Variants in DYM observed in about 807,000 individuals in gnomAD.
The protein encoded by DYM is dymeclin.
Under a neutral mutation model 93.1 loss-of-function variants are expected in DYM, and 78 were observed. That is an observed-to-expected ratio of 0.84 (90% CI 0.70 to 1.01). The LOEUF (loss-of-function observed/expected upper bound fraction) is 1.01. Among genes scored for constraint, DYM ranks in the 50% least tolerant of loss-of-function variants. The pLI is 0.00. For missense variants in DYM, 789 were observed against 845.0 expected (o/e 0.93, Z 0.82); for synonymous variants, 321 against 319.7 (o/e 1.00, Z -0.04).
rs12955206 is a variant in DYM, at chr18:49,334,975, C to T, written c.495-1122G>A. ...ACAAAAAATTAGCTGGGCATGGTGG[C>T]GGGCACCTGTAATGCCAGCTACTAG... On this transcript the variant is annotated intron_variant, in intron 6 of 17. Coordinates refer to ENST00000675505, the MANE Select transcript of DYM (RefSeq NM_001353214.3). Among the ~76,000 whole-genome samples the T allele has an allele frequency of 7.6e-3, 1,162 of 152,190 alleles. 8 individuals are homozygous for T. Among genetic ancestry groups the T allele is most frequent in the Non-Finnish European group, 0.012 (801 of 68,006 alleles).
At chr18:49,295,018 G>T (rs1170008690) in intron 8 of DYM, among the ~76,000 whole-genome samples, 1 of 152,152 alleles carries the variant, frequency 6.6e-6, no homozygotes, top group Admixed American at 6.5e-5. Flanking sequence ...GTTAGGGTCA[G>T]GTCCCATGCT....
chr18:49,067,884 A>G (rs928337376), intron 17 of DYM, among the ~76,000 whole-genome samples: 1 of 152,114 alleles, frequency 6.6e-6, no homozygotes, highest in East Asian at 1.9e-4. Flanking sequence ...TGGTCCCTCC[A>G]AGGCATAAAC....
chr18:49,339,104 C>T (rs1374243919), intron 6 of DYM, among the ~76,000 whole-genome samples: 3 of 152,092 alleles, frequency 2.0e-5, no homozygotes, highest in South Asian at 4.2e-4. Flanking sequence ...AGGTGATATG[C>T]CCCTATGCCC....
intron 8 of DYM, among the ~76,000 whole-genome samples, chr18:49,319,510 T>C (rs1377191569): frequency 1.3e-5 from 2 of 152,060 alleles, no homozygotes; most frequent in Admixed American, 1.3e-4. Flanking sequence ...ACTAAAGAAA[T>C]TGACATAGAT....
chr18:49,305,367 G>A (rs1287172662), intron 8 of DYM, among the ~76,000 whole-genome samples: 1 of 152,094 alleles, frequency 6.6e-6, no homozygotes, highest in African/African-American at 2.4e-5. Context: ...CCCCAGCTCT[G>A]CCCAGCAATC....
intron 14 of DYM, chr18:49,205,823 A>C (rs1425385691): frequency 6.5e-6 from 1 of 153,706 alleles, no homozygotes; most frequent in Non-Finnish European, 1.4e-5. Context: ...AACATATTCT[A>C]ATCTTTCTAA....
chr18:49,313,462 CAAAAAAAAAAAAAAAA>C (rs60775305), intron 8 of DYM, among the ~76,000 whole-genome samples: 35 of 28,568 alleles, frequency 1.2e-3, no homozygotes, highest in Admixed American at 4.1e-3. Flanking sequence ...GACTCTGTCA[CAAAAAAAAAAAAAAAA>C]AAAAAAAAAA....
intron 8 of DYM, among the ~76,000 whole-genome samples, chr18:49,304,309 C>G (rs1318269322): frequency 6.6e-6 from 1 of 152,182 alleles, no homozygotes; most frequent in Non-Finnish European, 1.5e-5. Flanking sequence ...AGGAGGCCAA[C>G]AGCCTTAACC....
chr18:49,045,953 C>G (rs1436599122), intron 17 of DYM, among the ~76,000 whole-genome samples: 1 of 152,068 alleles, frequency 6.6e-6, no homozygotes, highest in Non-Finnish European at 1.5e-5. Flanking sequence ...CTGGAGGGCA[C>G]AGTGCAGCAG....
At position 49,044,002 on chromosome 18, in the gene DYM, G is replaced by T; in HGVS notation, c.*53C>A. ...CTACTTCTGTTACCCAGAAATAAAA[G>T]AACTTGAAGGGCTGCTTGGCTGGAG... is the stretch of plus-strand genomic sequence containing the variant. On this transcript the variant is annotated 3_prime_UTR_variant, in exon 18 of 18. Coordinates refer to ENST00000675505, the MANE Select transcript of DYM (RefSeq NM_001353214.3). 6.2e-7 allele frequency: 1 copy of T among 1,606,456 alleles called. No individual in the cohort carries two copies. The highest frequency in any genetic ancestry group is 8.5e-7 in the Non-Finnish European group (1 of 1,176,504).
At chr18:49,252,320 G>A (rs751117571) in intron 13 of DYM, among the ~76,000 whole-genome samples, 6 of 151,010 alleles carry the variant, frequency 4.0e-5, no homozygotes, top group Non-Finnish European at 7.4e-5. Context: ...GGGAGGCCTC[G>A]GGAAACTTAC....
At chr18:49,100,859 A>G (rs986373591) in intron 16 of DYM, among the ~76,000 whole-genome samples, 1 of 152,178 alleles carries the variant, frequency 6.6e-6, no homozygotes, top group Non-Finnish European at 1.5e-5. Flanking sequence ...CAGCTCAGGT[A>G]TTTCTTCCTA....
In DYM at chr18:49,171,687, G is replaced by A. The variant is rs544782979; in HGVS notation, c.1626-7900C>T. Among the ~76,000 whole-genome samples the A allele has an allele frequency of 2.4e-4, 37 of 152,060 alleles. 1 individual carries two copies. Among genetic ancestry groups the A allele is most frequent in the African/African-American group, 8.4e-4 (35 of 41,494 alleles). ...ATCTGTAGACACTGATTCCCTCTAC[G>A]TGTAGACACCCCTCCTTCCTCCTCT... On this transcript the variant is annotated intron_variant, in intron 14 of 17. Coordinates refer to ENST00000675505, the MANE Select transcript of DYM (RefSeq NM_001353214.3).
intron 13 of DYM, among the ~76,000 whole-genome samples, chr18:49,246,538 T>C (rs2094171445): frequency 7.0e-6 from 1 of 142,644 alleles, no homozygotes; most frequent in Non-Finnish European, 1.5e-5. Context: ...TACTAGGCTA[T>C]GAACCTAGAT....
At chr18:49,326,494 T>C (rs2062888650) in intron 8 of DYM, among the ~76,000 whole-genome samples, 1 of 151,738 alleles carries the variant, frequency 6.6e-6, no homozygotes, top group African/African-American at 2.4e-5. Flanking sequence ...AAACCTAAAA[T>C]CTATAAGTTA....
chr18:49,295,635 G>T (rs2060484002), intron 8 of DYM, among the ~76,000 whole-genome samples: 2 of 152,156 alleles, frequency 1.3e-5, no homozygotes, highest in Non-Finnish European at 2.9e-5. Flanking sequence ...AGACTTCCAT[G>T]TGAGAGAAAT....
chr18:49,339,981 C>T (rs950259560), intron 6 of DYM, among the ~76,000 whole-genome samples: 4 of 152,038 alleles, frequency 2.6e-5, no homozygotes, highest in African/African-American at 7.2e-5. Flanking sequence ...GACAGAGTCT[C>T]GCTCTGTCGC....
chr18:49,202,616 T>G (rs894525560), intron 14 of DYM, among the ~76,000 whole-genome samples: 4 of 111,662 alleles, frequency 3.6e-5, no homozygotes, highest in African/African-American at 1.4e-4. Flanking sequence ...GCCCATTGTC[T>G]GAGATGTGGG....
At chr18:49,320,201 G>C (rs1599398886) in intron 8 of DYM, among the ~76,000 whole-genome samples, 1 of 152,132 alleles carries the variant, frequency 6.6e-6, no homozygotes, top group South Asian at 2.1e-4. Flanking sequence ...ATTTTTAATA[G>C]ACAAACTGAA....
Sources: allele counts gnomAD v4.1 joint callset (sites outside exome capture counted in the v4.1 genomes callset), GRCh38; gene constraint gnomAD v4.1.1; transcripts MANE v1.5; gene names NCBI Gene and HGNC (gene_info 2026-07-23, HGNC 2026-07-21).